The following DLG2 variants were observed in gnomAD, a reference collection of about 807,000 sequenced individuals.
DLG2 encodes disks large homolog 2.
DLG2 carries 45 observed loss-of-function variants against 132.5 expected under a neutral mutation model. The observed-to-expected ratio is 0.34, with a 90% CI of 0.27 to 0.44. DLG2 has a LOEUF of 0.44. DLG2 is among the 20% of genes least tolerant of loss of function. The probability of loss-of-function intolerance (pLI) is 1.00; values close to 1 mark genes in which losing one functional copy is unlikely to be tolerated. For synonymous variants in DLG2, 424 were observed against 419.6 expected (o/e 1.01, Z -0.13); for missense variants, 1,045 against 1,196.9 (o/e 0.87, Z 1.87).
At position 83,630,467 on chromosome 11, in the gene DLG2, T is replaced by A. The variant is rs927896212; in HGVS notation, c.1940+2744A>T. Among the ~76,000 whole-genome samples, 5 of 152,188 alleles carry A rather than the reference T, an allele frequency of 3.3e-5. No homozygotes were observed. The South Asian group carries it at 8.3e-4, about 25-fold the overall frequency. On this transcript the variant is annotated intron_variant, in intron 19 of 27. Transcript: ENST00000376104. ...ACAAAGAAGGTGCTTGCTTTCTGAT[T>A]TAGGTTTTGGCTTCACAGAAAACTA...
At chr11:85,404,074 G>C (rs1337726628) in intron 3 of DLG2, among the ~76,000 whole-genome samples, 1 of 151,978 alleles carries the variant, frequency 6.6e-6, no homozygotes, top group African/African-American at 2.4e-5. Context: ...TAACAAGCTT[G>C]AATCATTTTA....
chr11:84,670,792 C>A (rs2099704991), intron 6 of DLG2, among the ~76,000 whole-genome samples: 1 of 152,030 alleles, frequency 6.6e-6, no homozygotes, highest in South Asian at 2.1e-4. Flanking sequence ...TCATATCGCT[C>A]CCACCCCTAA....
chr11:84,111,404 A>G (rs537389825), intron 9 of DLG2, among the ~76,000 whole-genome samples: 8 of 152,174 alleles, frequency 5.3e-5, no homozygotes, highest in African/African-American at 1.9e-4. Context: ...GACACTATTC[A>G]CACTGTGTCT....
chr11:85,144,277 G>C (rs2076690707), intron 5 of DLG2, among the ~76,000 whole-genome samples: 1 of 150,392 alleles, frequency 6.6e-6, no homozygotes, highest in South Asian at 2.1e-4. Flanking sequence ...CATTTGTACA[G>C]AATATCTTTT....
At chr11:84,926,625 AAC>A (rs1380253361) in intron 6 of DLG2, among the ~76,000 whole-genome samples, 5 of 151,674 alleles carry the variant, frequency 3.3e-5, no homozygotes, top group African/African-American at 9.7e-5. Context: ...GTGAAATTTT[AAC>A]AGTGTTGCTA....
chr11:85,129,758 T>C (rs1038017591), intron 5 of DLG2, among the ~76,000 whole-genome samples: 1 of 152,176 alleles, frequency 6.6e-6, no homozygotes, highest in Admixed American at 6.5e-5. Context: ...CATGCACACG[T>C]ATGTTTATTG....
At chr11:85,400,950 A>G (rs1453779901) in intron 3 of DLG2, among the ~76,000 whole-genome samples, 2 of 151,772 alleles carry the variant, frequency 1.3e-5, no homozygotes, top group Admixed American at 6.6e-5. Context: ...AAAAAAAAAA[A>G]AAGAAAAAGA....
chr11:85,047,595 T>A (rs1166433976), intron 6 of DLG2, among the ~76,000 whole-genome samples: 1 of 151,882 alleles, frequency 6.6e-6, no homozygotes, highest in East Asian at 1.9e-4. Flanking sequence ...TGAGTATCTG[T>A]TTTCTCATCT....
intron 7 of DLG2, chr11:84,273,015 C>T (rs899236610): frequency 2.8e-6 from 2 of 707,012 alleles, no homozygotes; most frequent in Non-Finnish European, 4.1e-6. Flanking sequence ...TATATTTAGC[C>T]TGAATGAGAA....
intron 3 of DLG2, chr11:85,336,317 T>G (rs2082127572): frequency 6.5e-6 from 1 of 153,118 alleles, no homozygotes; most frequent in Admixed American, 6.5e-5. Flanking sequence ...CAAGCCCAAA[T>G]GATCTGCCTT....
chr11:84,853,160 G>C (rs1372940684), intron 6 of DLG2, among the ~76,000 whole-genome samples: 1 of 151,908 alleles, frequency 6.6e-6, no homozygotes. Context: ...GGAGGAGCAA[G>C]GTTTCCTGAG....
chr11:85,315,945 G>C (rs74412165), intron 3 of DLG2, among the ~76,000 whole-genome samples: 1,757 of 152,054 alleles, frequency 0.012, 15 homozygotes, highest in Middle Eastern at 0.017. Flanking sequence ...AGGGTGAAAG[G>C]TTCTCCCTCA....
intron 11 of DLG2, among the ~76,000 whole-genome samples, chr11:84,029,737 G>C (rs1262064184): frequency 1.3e-5 from 2 of 152,040 alleles, no homozygotes; most frequent in Non-Finnish European, 2.9e-5. Context: ...CACTTCACTA[G>C]GTTTAGGCCT....
chr11:83,780,277 T>G (rs1418041463), intron 18 of DLG2, among the ~76,000 whole-genome samples: 1 of 152,210 alleles, frequency 6.6e-6, no homozygotes, highest in Non-Finnish European at 1.5e-5. Context: ...CATATTCATG[T>G]CAAGCTTTCA....
intron 6 of DLG2, among the ~76,000 whole-genome samples, chr11:84,583,280 C>T (rs2099520981): frequency 1.3e-5 from 2 of 152,170 alleles, no homozygotes; most frequent in Admixed American, 6.5e-5. Context: ...CCCACCACTG[C>T]TCCCTCTCCC....
chr11:85,030,035 C>T (rs2060877143), intron 6 of DLG2, among the ~76,000 whole-genome samples: 1 of 152,226 alleles, frequency 6.6e-6, no homozygotes, highest in Non-Finnish European at 1.5e-5. Context: ...TTTCCTTCTT[C>T]TGTCCATAAA....
chr11:84,851,332 T>C (rs1283958835), intron 6 of DLG2, among the ~76,000 whole-genome samples: 1 of 152,136 alleles, frequency 6.6e-6, no homozygotes, highest in Non-Finnish European at 1.5e-5. Flanking sequence ...CAGTTTATTT[T>C]TATTGCTATA....
At chr11:85,512,063 A>G (rs1402794934) in intron 3 of DLG2, among the ~76,000 whole-genome samples, 1 of 152,146 alleles carries the variant, frequency 6.6e-6, no homozygotes, top group Non-Finnish European at 1.5e-5. Context: ...ATTATATAAT[A>G]GGAGATCCAT....
intron 7 of DLG2, among the ~76,000 whole-genome samples, chr11:84,442,227 G>A (rs559596400): frequency 2.8e-4 from 43 of 152,118 alleles, no homozygotes; most frequent in African/African-American, 9.2e-4. Context: ...CCATTTTCAC[G>A]ATATTGATTC....
Sources: gnomAD v4.1 joint callset for allele counts (sites outside exome capture counted in the v4.1 genomes callset) on GRCh38, gnomAD v4.1.1 for gene constraint, MANE v1.5 for transcripts, NCBI Gene and HGNC (gene_info 2026-07-23, HGNC 2026-07-21) for gene names.